Variants in CNTNAP5 observed in about 807,000 individuals in gnomAD.
The protein encoded by CNTNAP5 is contactin associated protein family member 5.
In CNTNAP5, 72 loss-of-function variants were observed where a neutral mutation model predicts 150.2. The ratio of observed to expected loss-of-function variants is 0.48; its 90% CI spans 0.40 to 0.58. The LOEUF (loss-of-function observed/expected upper bound fraction) is 0.58. Among genes scored for constraint, CNTNAP5 ranks in the 20% least tolerant of loss-of-function variants. The pLI is 0.00. For synonymous variants in CNTNAP5, 672 were observed against 619.8 expected, an observed-to-expected ratio of 1.08 and a Z score of -1.25; for missense variants, 1,636 against 1,626.2, an observed-to-expected ratio of 1.01 and a Z score of -0.10.
intron 7 of CNTNAP5, among the ~76,000 whole-genome samples, chr2:124,498,882 T>C: frequency 6.6e-6 from 1 of 152,254 alleles, no homozygotes; most frequent in African/African-American, 2.4e-5. Context: ...ATGTGGGTCT[T>C]CAGTCTCAGA....
At chr2:124,221,006 G>A (rs1366840052) in intron 1 of CNTNAP5, among the ~76,000 whole-genome samples, 1 of 152,044 alleles carries the variant, frequency 6.6e-6, no homozygotes, top group African/African-American at 2.4e-5. Context: ...TTTGCTCATG[G>A]CCCCACCCTG....
intron 21 of CNTNAP5, among the ~76,000 whole-genome samples, chr2:124,884,750 A>G (rs1678043873): frequency 6.6e-6 from 1 of 151,892 alleles, no homozygotes; most frequent in Non-Finnish European, 1.5e-5. Flanking sequence ...TTTATGTCTC[A>G]TTTTTTGGTG....
In CNTNAP5 at chr2:124,709,482, G is replaced by C. The variant is rs7571560; in HGVS notation, c.2078-37747G>C. Among the ~76,000 whole-genome samples, 991 of 152,156 alleles carry C rather than the reference G, an allele frequency of 6.5e-3. 14 individuals are homozygous for C. The highest frequency in any genetic ancestry group is 0.022 in the African/African-American group (897 of 41,498). Reference sequence around the variant, plus strand: ...GAAAATTTGTATAACCAATTGAAGAGGGAACCATTAATGAGTTATATAAGT... The same window carrying C: ...GAAAATTTGTATAACCAATTGAAGACGGAACCATTAATGAGTTATATAAGT... On this transcript the variant is annotated intron_variant, in intron 13 of 23. Coordinates refer to ENST00000682447, the MANE Select transcript of CNTNAP5 (RefSeq NM_001367498.1).
intron 1 of CNTNAP5, among the ~76,000 whole-genome samples, chr2:124,176,593 A>T (rs1413238970): frequency 6.6e-6 from 1 of 152,166 alleles, no homozygotes; most frequent in Non-Finnish European, 1.5e-5. Flanking sequence ...AATACAAGAG[A>T]AACTCCACTT....
intron 3 of CNTNAP5, among the ~76,000 whole-genome samples, chr2:124,347,838 T>C (rs1330635012): frequency 1.3e-5 from 2 of 151,872 alleles, no homozygotes; most frequent in African/African-American, 2.4e-5. Flanking sequence ...ATTTTTTTTT[T>C]TTTTGAGACG....
intron 1 of CNTNAP5, among the ~76,000 whole-genome samples, chr2:124,209,842 G>A (rs1685962516): frequency 6.6e-6 from 1 of 152,192 alleles, no homozygotes; most frequent in African/African-American, 2.4e-5. Context: ...TTCTTGCCTG[G>A]AGAGATCAAG....
At chr2:124,068,227 C>G (rs1475898005) in intron 1 of CNTNAP5, among the ~76,000 whole-genome samples, 1 of 152,124 alleles carries the variant, frequency 6.6e-6, no homozygotes, top group Non-Finnish European at 1.5e-5. Flanking sequence ...TGGCACTACC[C>G]CTTTCTACCC....
chr2:124,609,704 A>G (rs922496323), intron 11 of CNTNAP5, 97 bp from the exon 12 acceptor site: 3 of 1,342,996 alleles, frequency 2.2e-6, no homozygotes, highest in African/African-American at 2.9e-5. Flanking sequence ...AGGGAAATGA[A>G]TACACATAGA....
In CNTNAP5 at chr2:124,242,406, T is replaced by A. The variant is rs780303323; in HGVS notation, c.381+13T>A. ...AGACAGCATCTGGGTAGGACATCTT[T>A]TTCCTTCCAATGAATAAAACTGAGA... is the stretch of plus-strand genomic sequence containing the variant. On this transcript the variant is annotated intron_variant, in intron 3 of 23. Transcript: ENST00000682447. 1 of 1,608,374 alleles carries A rather than the reference T, an allele frequency of 6.2e-7. No homozygotes were observed. Among genetic ancestry groups the A allele is most frequent in the Middle Eastern group, 1.7e-4 (1 of 6,046 alleles).
intron 3 of CNTNAP5, among the ~76,000 whole-genome samples, chr2:124,369,559 G>C (rs1690465403): frequency 6.6e-6 from 1 of 152,066 alleles, no homozygotes; most frequent in African/African-American, 2.4e-5. Context: ...AGATAGGGTT[G>C]AAAACCTTTT....
At chr2:124,401,306 G>A (rs1691419686) in intron 3 of CNTNAP5, among the ~76,000 whole-genome samples, 1 of 152,106 alleles carries the variant, frequency 6.6e-6, no homozygotes, top group Non-Finnish European at 1.5e-5. Flanking sequence ...CATGCACAAC[G>A]CCTTCAAGAA....
At chr2:124,269,572 A>AT (rs974906090) in intron 3 of CNTNAP5, among the ~76,000 whole-genome samples, 21 of 152,110 alleles carry the variant, frequency 1.4e-4, no homozygotes, top group African/African-American at 4.8e-4. Flanking sequence ...AGGGAGAGGG[A>AT]TTTTTTTCGC....
intron 7 of CNTNAP5, among the ~76,000 whole-genome samples, chr2:124,487,493 G>C (rs1693913319): frequency 6.6e-6 from 1 of 152,080 alleles, no homozygotes; most frequent in East Asian, 1.9e-4. Flanking sequence ...GTGGATGCCT[G>C]TAAGGACAGT....
At chr2:124,488,467 T>C (rs995009062) in intron 7 of CNTNAP5, among the ~76,000 whole-genome samples, 4 of 152,256 alleles carry the variant, frequency 2.6e-5, no homozygotes, top group African/African-American at 9.6e-5. Context: ...GAATCTGCTT[T>C]CCATTAGTGG....
intron 12 of CNTNAP5, among the ~76,000 whole-genome samples, chr2:124,633,333 T>C (rs965278648): frequency 6.6e-6 from 1 of 152,142 alleles, no homozygotes; most frequent in Non-Finnish European, 1.5e-5. Context: ...ATTTGGTAAA[T>C]AGCCTTATTC....
chr2:124,358,280 T>C (rs1308410128), intron 3 of CNTNAP5, among the ~76,000 whole-genome samples: 1 of 151,886 alleles, frequency 6.6e-6, no homozygotes, highest in African/African-American at 2.4e-5. Flanking sequence ...CTTTTCCTAA[T>C]TGAATACCCT....
chr2:124,627,503 C>G (rs2105004759), intron 12 of CNTNAP5, among the ~76,000 whole-genome samples: 1 of 141,582 alleles, frequency 7.1e-6, no homozygotes, highest in South Asian at 2.3e-4. Context: ...GAAAAACAAA[C>G]AGAAAGCAAC....
At chr2:124,592,006 A>T (rs555312768) in intron 11 of CNTNAP5, among the ~76,000 whole-genome samples, 6 of 152,144 alleles carry the variant, frequency 3.9e-5, no homozygotes, top group Non-Finnish European at 7.4e-5. Context: ...CTTTTCTCTC[A>T]TAGCTATATA....
intron 13 of CNTNAP5, among the ~76,000 whole-genome samples, chr2:124,661,152 A>T (rs1442533841): frequency 6.6e-6 from 1 of 152,052 alleles, no homozygotes; most frequent in Non-Finnish European, 1.5e-5. Flanking sequence ...CATTTAAAAA[A>T]ATATTTTTTC....
Sources: allele counts gnomAD v4.1 joint callset (sites outside exome capture counted in the v4.1 genomes callset), GRCh38; gene constraint gnomAD v4.1.1; transcripts MANE v1.5; gene names NCBI Gene and HGNC (gene_info 2026-07-23, HGNC 2026-07-21).